Variants in SPAG16 observed in about 807,000 individuals in gnomAD.
The protein encoded by SPAG16 is sperm-associated antigen 16 protein.
In SPAG16, 86 loss-of-function variants were observed where a neutral mutation model predicts 80.4. The observed-to-expected ratio is 1.07, with a 90% CI of 0.90 to 1.28. The LOEUF (loss-of-function observed/expected upper bound fraction) is 1.28. Ranked by LOEUF, SPAG16 falls within the 50% of genes most tolerant of loss-of-function variation. The pLI is 0.00. For missense variants in SPAG16, 870 were observed against 765.3 expected (o/e 1.14, Z -1.61); for synonymous variants, 294 against 265.9 (o/e 1.11, Z -1.03).
At chr2:213,590,223 G>A (rs925283227) in intron 10 of SPAG16, among the ~76,000 whole-genome samples, 1 of 152,046 alleles carries the variant, frequency 6.6e-6, no homozygotes, top group African/African-American at 2.4e-5. Context: ...TAAAATTTTA[G>A]GTTCAGTGGG....
intron 10 of SPAG16, among the ~76,000 whole-genome samples, chr2:213,774,220 A>G (rs2069431975): frequency 6.6e-6 from 1 of 152,180 alleles, no homozygotes; most frequent in Admixed American, 6.5e-5. Context: ...ATTACCATAC[A>G]CTGGGTGGAT....
intron 10 of SPAG16, among the ~76,000 whole-genome samples, chr2:213,529,949 C>T (rs2076015267): frequency 6.6e-6 from 1 of 152,130 alleles, no homozygotes; most frequent in Admixed American, 6.5e-5. Flanking sequence ...CAAAGGCCTA[C>T]TCAGGGTCAG....
intron 12 of SPAG16, among the ~76,000 whole-genome samples, chr2:213,944,979 A>C (rs752206426): frequency 6.6e-6 from 1 of 152,088 alleles, no homozygotes; most frequent in Non-Finnish European, 1.5e-5. Flanking sequence ...TGGATGTTGC[A>C]ATGAGCCAAG....
At chr2:214,175,421 C>A (rs2057045512) in intron 15 of SPAG16, among the ~76,000 whole-genome samples, 1 of 150,472 alleles carries the variant, frequency 6.6e-6, no homozygotes, top group South Asian at 2.1e-4. Flanking sequence ...AACATGAGTA[C>A]GTCTCATCTC....
chr2:214,376,458 A>T (rs192684855), intron 15 of SPAG16, among the ~76,000 whole-genome samples: 2 of 152,296 alleles, frequency 1.3e-5, no homozygotes, highest in African/African-American at 2.4e-5. Flanking sequence ...GCATTTCTTC[A>T]AACTCTGCCT....
At chr2:213,605,724 C>T (rs1043864483) in intron 10 of SPAG16, among the ~76,000 whole-genome samples, 1 of 152,034 alleles carries the variant, frequency 6.6e-6, no homozygotes, top group Admixed American at 6.6e-5. Context: ...CTCCTGACTT[C>T]GTGATCGGCC....
At chr2:213,700,331 G>A (rs2065350318) in intron 10 of SPAG16, among the ~76,000 whole-genome samples, 1 of 151,998 alleles carries the variant, frequency 6.6e-6, no homozygotes. Context: ...CACAAATAAA[G>A]TTAGCTCACT....
intron 14 of SPAG16, among the ~76,000 whole-genome samples, chr2:214,127,404 C>A (rs533206000): frequency 6.6e-6 from 1 of 151,846 alleles, no homozygotes; most frequent in South Asian, 2.1e-4. Flanking sequence ...TCCTTTCAAA[C>A]CCCAAAAGGA....
chr2:213,394,830 TCAC>T (rs1399871117), intron 9 of SPAG16, among the ~76,000 whole-genome samples: 3 of 152,286 alleles, frequency 2.0e-5, no homozygotes, highest in Non-Finnish European at 2.9e-5. Context: ...TTGGGAGAAT[TCAC>T]CAGTGAAACC....
chr2:213,976,485 G>C (rs917626020), intron 12 of SPAG16, among the ~76,000 whole-genome samples: 1 of 151,860 alleles, frequency 6.6e-6, no homozygotes. Context: ...TAGCAAAAAG[G>C]ACTTGCAGAT....
chr2:213,363,615 G>A (rs187941316), intron 7 of SPAG16, among the ~76,000 whole-genome samples: 1 of 152,158 alleles, frequency 6.6e-6, no homozygotes, highest in East Asian at 1.9e-4. Flanking sequence ...TAATAAAATA[G>A]AGAATATATG....
At chr2:213,921,619 A>G (rs542325575) in intron 11 of SPAG16, among the ~76,000 whole-genome samples, 1 of 152,256 alleles carries the variant, frequency 6.6e-6, no homozygotes, top group East Asian at 1.9e-4. Context: ...TGGTTGCTTT[A>G]TAGTGTCACT....
intron 10 of SPAG16, among the ~76,000 whole-genome samples, chr2:213,787,681 T>C (rs994776441): frequency 6.6e-6 from 1 of 152,056 alleles, no homozygotes. Flanking sequence ...TTTGTTTTAT[T>C]ATTAAATTGG....
At chr2:213,438,725 A>C (rs1261508873) in intron 9 of SPAG16, among the ~76,000 whole-genome samples, 1 of 152,226 alleles carries the variant, frequency 6.6e-6, no homozygotes, top group East Asian at 1.9e-4. Context: ...TATATGTAAA[A>C]GGGGATTTTT....
chr2:213,984,102 CATT>C (rs2045894365), intron 12 of SPAG16, among the ~76,000 whole-genome samples: 1 of 152,030 alleles, frequency 6.6e-6, no homozygotes, highest in Non-Finnish European at 1.5e-5. Flanking sequence ...CTGCTTATAT[CATT>C]ATATGCATGA....
chr2:214,049,897 A>G (rs896602920), intron 13 of SPAG16, among the ~76,000 whole-genome samples: 10 of 152,268 alleles, frequency 6.6e-5, no homozygotes, highest in African/African-American at 2.4e-4. Context: ...CGTCATTTGA[A>G]AAATAAAAAA....
At chr2:213,380,788 G>T (rs1454295482) in intron 9 of SPAG16, among the ~76,000 whole-genome samples, 1 of 152,180 alleles carries the variant, frequency 6.6e-6, no homozygotes, top group Non-Finnish European at 1.5e-5. Context: ...GATCTGCTGG[G>T]TTATATGGCC....
intron 11 of SPAG16, among the ~76,000 whole-genome samples, chr2:213,918,149 T>A (rs931507682): frequency 3.3e-5 from 5 of 152,196 alleles, no homozygotes. Context: ...AGTTTTTTGA[T>A]GTGCTGCTGG....
intron 13 of SPAG16, among the ~76,000 whole-genome samples, chr2:214,033,823 A>C (rs560392029): frequency 6.6e-6 from 1 of 151,660 alleles, no homozygotes; most frequent in South Asian, 2.1e-4. Flanking sequence ...AATATCTAAA[A>C]ACAACAACAT....
Sources: gnomAD v4.1 joint callset for allele counts (sites outside exome capture counted in the v4.1 genomes callset) on GRCh38, gnomAD v4.1.1 for gene constraint, MANE v1.5 for transcripts, NCBI Gene and HGNC (gene_info 2026-07-23, HGNC 2026-07-21) for gene names.